DYNC1I1: variants seen among roughly 807,000 people sequenced by gnomAD.
DYNC1I1 encodes cytoplasmic dynein 1 intermediate chain 1.
DYNC1I1 carries 43 observed loss-of-function variants against 86.6 expected under a neutral mutation model. The observed-to-expected ratio is 0.50, with a 90% CI of 0.39 to 0.64. DYNC1I1 has a LOEUF of 0.64. Ranked by LOEUF, DYNC1I1 falls within the 30% of genes least tolerant of loss-of-function variation. The pLI is 0.00. For missense variants in DYNC1I1, 604 were observed against 788.8 expected (o/e 0.77, Z 2.81); for synonymous variants, 262 against 283.7 (o/e 0.92, Z 0.77).
At chr7:96,078,470 A>G (rs1007671389) in intron 15 of DYNC1I1, among the ~76,000 whole-genome samples, 1 of 152,152 alleles carries the variant, frequency 6.6e-6, no homozygotes, top group Non-Finnish European at 1.5e-5. Flanking sequence ...TCTAGCGCAT[A>G]ATATAGGCTG....
intron 14 of DYNC1I1, among the ~76,000 whole-genome samples, chr7:96,046,326 T>C (rs1253329969): frequency 6.6e-6 from 1 of 152,218 alleles, no homozygotes; most frequent in Non-Finnish European, 1.5e-5. Flanking sequence ...AGGAGTTTGC[T>C]TTGGAATACT....
chr7:96,100,317 C>A (rs745624443), downstream of DYNC1I1, among the ~76,000 whole-genome samples: 24 of 151,964 alleles, frequency 1.6e-4, no homozygotes, highest in Admixed American at 3.3e-4. Flanking sequence ...TTCTCTTCCT[C>A]CCTTCCTCCC....
chr7:96,074,347 A>G (rs931820191), intron 14 of DYNC1I1, among the ~76,000 whole-genome samples: 8 of 152,128 alleles, frequency 5.3e-5, no homozygotes, highest in Non-Finnish European at 7.4e-5. Context: ...CAGGAGATCG[A>G]GACCATCCTG....
At chr7:95,944,417 CT>C (rs1373940862) in intron 6 of DYNC1I1, among the ~76,000 whole-genome samples, 1 of 152,184 alleles carries the variant, frequency 6.6e-6, no homozygotes, top group African/African-American at 2.4e-5. Flanking sequence ...CACTTTTACA[CT>C]GTTGATGGGA....
At chr7:95,796,387 G>C (rs772387358) in intron 1 of DYNC1I1, among the ~76,000 whole-genome samples, 14 of 151,990 alleles carry the variant, frequency 9.2e-5, no homozygotes, top group Non-Finnish European at 1.6e-4. Context: ...TTGGTTCACT[G>C]CAACCTCCAC....
intron 5 of DYNC1I1, among the ~76,000 whole-genome samples, chr7:95,849,221 A>C (rs1789514890): frequency 6.6e-6 from 1 of 152,016 alleles, no homozygotes; most frequent in Non-Finnish European, 1.5e-5. Flanking sequence ...GAAGCTTTTT[A>C]GTTTGATGTA....
chr7:95,807,137 T>C (rs1305563146), intron 2 of DYNC1I1, among the ~76,000 whole-genome samples: 1 of 152,176 alleles, frequency 6.6e-6, no homozygotes, highest in Admixed American at 6.6e-5. Flanking sequence ...CTTCATAGAA[T>C]GGTCACATAC....
intron 10 of DYNC1I1, among the ~76,000 whole-genome samples, chr7:96,018,367 A>T (rs1794452165): frequency 6.6e-6 from 1 of 152,210 alleles, no homozygotes; most frequent in African/African-American, 2.4e-5. Flanking sequence ...TATTAATTTG[A>T]TCTTAAGCCA....
At chr7:96,085,133 C>G (rs1290277920) in intron 16 of DYNC1I1, among the ~76,000 whole-genome samples, 1 of 152,176 alleles carries the variant, frequency 6.6e-6, no homozygotes, top group Non-Finnish European at 1.5e-5. Context: ...TGCCTCATCT[C>G]CTGTCCCAGC....
intron 6 of DYNC1I1, among the ~76,000 whole-genome samples, chr7:95,977,174 T>G (rs1338337325): frequency 6.6e-6 from 1 of 152,146 alleles, no homozygotes; most frequent in Non-Finnish European, 1.5e-5. Flanking sequence ...GTGGAAACAT[T>G]TTAAAATCTG....
intron 1 of DYNC1I1, among the ~76,000 whole-genome samples, chr7:95,785,775 G>GTGTGTATATATATA (rs1317168531): frequency 8.0e-6 from 1 of 124,902 alleles, no homozygotes; most frequent in Admixed American, 8.5e-5. Flanking sequence ...GTGTGTATGT[G>GTGTGTATATATATA]TATATATATA....
chr7:95,876,646 A>G (rs1488510), intron 6 of DYNC1I1, among the ~76,000 whole-genome samples: 149,279 of 152,332 alleles, frequency 0.98, 73,212 homozygotes, highest in Middle Eastern at 1. Context: ...CACAAAAATT[A>G]TTTTTGCCTA....
chr7:95,888,428 C>A (rs1584129797), intron 6 of DYNC1I1, among the ~76,000 whole-genome samples: 2 of 152,006 alleles, frequency 1.3e-5, no homozygotes, highest in South Asian at 4.2e-4. Flanking sequence ...CAGAGTGAGA[C>A]CCTGTCTTTA....
chr7:95,945,001 T>G (rs1396439638), intron 6 of DYNC1I1, among the ~76,000 whole-genome samples: 2 of 151,262 alleles, frequency 1.3e-5, no homozygotes, highest in African/African-American at 4.9e-5. Flanking sequence ...TGTGCACATG[T>G]ACCCTAAAAC....
intron 5 of DYNC1I1, among the ~76,000 whole-genome samples, chr7:95,831,857 T>C (rs904521906): frequency 6.6e-6 from 1 of 151,860 alleles, no homozygotes. Context: ...ATTTTGCTAT[T>C]GAGTTGTTTC....
chr7:95,977,498 T>G lies in DYNC1I1; in HGVS notation c.491-14T>G. ...GGAAAGAAAATATTGTATTTTTCTCTTTCTTTTTTCTAGAGGATGAGGAAG... is the reference window on the plus strand; with the variant it reads ...GGAAAGAAAATATTGTATTTTTCTCGTTCTTTTTTCTAGAGGATGAGGAAG... On this transcript the variant is annotated splice_polypyrimidine_tract_variant and intron_variant, in intron 6 of 16. Coordinates refer to ENST00000447467, the MANE Select transcript of DYNC1I1 (RefSeq NM_001135556.2). The G allele has an allele frequency of 6.2e-7, 1 of 1,609,964 alleles. No individual in the cohort carries two copies. The highest frequency in any genetic ancestry group is 8.5e-7 in the Non-Finnish European group (1 of 1,178,668).
chr7:95,845,352 C>A (rs1379038449), intron 5 of DYNC1I1, among the ~76,000 whole-genome samples: 1 of 152,202 alleles, frequency 6.6e-6, no homozygotes, highest in African/African-American at 2.4e-5. Flanking sequence ...TACAGAAAAT[C>A]TAACTAGGAA....
At chr7:95,799,988 G>C (rs75177792) in intron 1 of DYNC1I1, among the ~76,000 whole-genome samples, 4,775 of 150,788 alleles carry the variant, frequency 0.032, 244 homozygotes, top group African/African-American at 0.11. Context: ...AACTTTTCTT[G>C]GGTATTTAGT....
At chr7:95,806,041 T>C (rs1167590792) in intron 2 of DYNC1I1, among the ~76,000 whole-genome samples, 1 of 152,214 alleles carries the variant, frequency 6.6e-6, no homozygotes, top group Non-Finnish European at 1.5e-5. Context: ...ACATCACACA[T>C]AATGTTTTTT....
Sources: allele counts gnomAD v4.1 joint callset (sites outside exome capture counted in the v4.1 genomes callset), GRCh38; gene constraint gnomAD v4.1.1; transcripts MANE v1.5; gene names NCBI Gene and HGNC (gene_info 2026-07-23, HGNC 2026-07-21).